Variants in CHCHD6 observed in about 807,000 individuals in gnomAD.
CHCHD6 encodes the protein MICOS complex subunit MIC25.
In CHCHD6, 28 loss-of-function variants were observed where a neutral mutation model predicts 32.3. The observed-to-expected ratio is 0.87, with a 90% CI of 0.64 to 1.19. The LOEUF (loss-of-function observed/expected upper bound fraction) is 1.19. CHCHD6 is among the 50% of genes most tolerant of loss of function. The pLI, the probability that CHCHD6 is intolerant of heterozygous loss-of-function variation, is 0.00. For missense variants in CHCHD6, 333 were observed against 307.0 expected, an observed-to-expected ratio of 1.08 and a Z score of -0.63; for synonymous variants, 122 against 117.5, an observed-to-expected ratio of 1.04 and a Z score of -0.25.
intron 4 of CHCHD6, among the ~76,000 whole-genome samples, chr3:126,836,185 C>T (rs1175655278): frequency 3.9e-5 from 6 of 152,356 alleles, no homozygotes; most frequent in African/African-American, 1.4e-4. Flanking sequence ...CGCCGTTAGG[C>T]CCCAGCCTGT....
chr3:126,808,336 T>G (rs1023730090), intron 4 of CHCHD6, among the ~76,000 whole-genome samples: 4 of 152,098 alleles, frequency 2.6e-5, no homozygotes, highest in Non-Finnish European at 4.4e-5. Context: ...GCCATATTCT[T>G]TTGCCATATT....
At chr3:126,716,583 C>G (rs1935027702) in intron 1 of CHCHD6, among the ~76,000 whole-genome samples, 1 of 151,992 alleles carries the variant, frequency 6.6e-6, no homozygotes, top group South Asian at 2.1e-4. Flanking sequence ...ATGTTATGGA[C>G]CCAGGCCTCT....
At position 126,730,615 on chromosome 3, in the gene CHCHD6, A is replaced by AGG; in HGVS notation, c.252_253dup (p.Glu85GlyfsTer65). ...GGTGGCCAGCAGCCCTCAGGGATGA[A>AGG]GGAGGGTGTCAAGAGGTGAGCCCGA... On this transcript the variant is annotated frameshift_variant, in exon 3 of 8. Coordinates refer to ENST00000290913, the MANE Select transcript of CHCHD6 (RefSeq NM_032343.3). LOFTEE classifies it high-confidence loss of function. The AGG allele has an allele frequency of 1.2e-6, 2 of 1,613,762 alleles. No individual in the cohort carries two copies. The highest frequency in any genetic ancestry group is 1.7e-6 in the Non-Finnish European group (2 of 1,179,814).
At chr3:126,716,792 A>T (rs1486191701) in intron 1 of CHCHD6, among the ~76,000 whole-genome samples, 2 of 135,672 alleles carry the variant, frequency 1.5e-5, no homozygotes, top group East Asian at 4.2e-4. Context: ...GAGTAAGGGG[A>T]GGGACGGTGC....
intron 4 of CHCHD6, among the ~76,000 whole-genome samples, chr3:126,790,377 T>C (rs1938465323): frequency 6.6e-6 from 1 of 152,230 alleles, no homozygotes; most frequent in Non-Finnish European, 1.5e-5. Flanking sequence ...CCTGCCTTGC[T>C]AGGTTGGGGA....
chr3:126,914,705 C>A lies in CHCHD6; in HGVS notation c.521C>A (p.Ser174Ter), dbSNP rs756633225. 9 of 1,596,280 alleles carry A rather than the reference C, an allele frequency of 5.6e-6. No homozygotes were observed. In the South Asian group the frequency reaches 9.9e-5, roughly 18 times the overall value. ...AATGCTGAGATGTATAAACTGTCTT[C>A]AGAGCAATTCCATGAGGCAGCCTCA... is the stretch of plus-strand genomic sequence containing the variant. ...RKNAEMYKLS[S>*]EQFHEAASKM... The change falls in exon 6 of 8, where the codon TCA (serine) becomes TAA (stop). Residue 174 changes from serine (S) to a stop codon, truncating the protein, a stop_gained. Transcript: ENST00000290913. LOFTEE classifies it high-confidence loss of function.
At chr3:126,853,665 G>A (rs182131953) in intron 5 of CHCHD6, among the ~76,000 whole-genome samples, 34 of 152,260 alleles carry the variant, frequency 2.2e-4, no homozygotes, top group Admixed American at 9.2e-4. Context: ...CACCTTTGCC[G>A]GTGTTTAGGG....
rs1452480499 is a variant in CHCHD6, at chr3:126,960,326, G to A, written c.*125G>A. On this transcript the variant is annotated 3_prime_UTR_variant, in exon 8 of 8. Coordinates refer to ENST00000290913, the MANE Select transcript of CHCHD6 (RefSeq NM_032343.3). ...CCCCTGCATATGCCCCTGAGCCTGG[G>A]GCTGCCACGTGTTTAGGAAACAAAG... 6 of 1,122,604 alleles carry A rather than the reference G, an allele frequency of 5.3e-6. No homozygotes were observed. In the East Asian group the frequency reaches 1.0e-4, roughly 19 times the overall value. The allele number at this position is 1,122,604 out of a possible 1,614,324, so 69.5% of individuals were successfully genotyped here.
intron 5 of CHCHD6, among the ~76,000 whole-genome samples, chr3:126,888,834 A>C (rs2077713990): frequency 1.3e-5 from 2 of 152,134 alleles, no homozygotes; most frequent in African/African-American, 2.4e-5. Flanking sequence ...GAGAGTGAGG[A>C]GCTGACCATG....
chr3:126,818,182 T>G (rs1056155405), intron 4 of CHCHD6, among the ~76,000 whole-genome samples: 1 of 152,218 alleles, frequency 6.6e-6, no homozygotes, highest in South Asian at 2.1e-4. Context: ...CCTCTTAATG[T>G]TTATGCATTT....
intron 4 of CHCHD6, among the ~76,000 whole-genome samples, chr3:126,830,451 T>A (rs1401463707): frequency 1.3e-5 from 2 of 152,234 alleles, no homozygotes; most frequent in Non-Finnish European, 2.9e-5. Flanking sequence ...CCACAGTCCA[T>A]CTTCCTCCTG....
rs550809753 is a variant in CHCHD6 at position 126,712,113 on chromosome 3, A to G, written c.87+7714A>G. Among the ~76,000 whole-genome samples the G allele has an allele frequency of 9.9e-5, 15 of 152,276 alleles. No individual in the cohort carries two copies. The East Asian group carries it at 2.9e-3, about 29-fold the overall frequency. ...AAAGACAGGATGGTTGAAGGCCCAG[A>G]CACCTGCATGTAGATTTCCCGCTGG... is the stretch of plus-strand genomic sequence containing the variant. On this transcript the variant is annotated intron_variant, in intron 1 of 7. Transcript: ENST00000290913.
intron 5 of CHCHD6, among the ~76,000 whole-genome samples, chr3:126,864,751 T>A (rs1942184949): frequency 7.4e-6 from 1 of 134,816 alleles, no homozygotes; most frequent in South Asian, 2.6e-4. Context: ...CACCATCATC[T>A]ACTCCTCCTC....
chr3:126,789,864 A>G (rs1938433056), intron 4 of CHCHD6, among the ~76,000 whole-genome samples: 1 of 150,912 alleles, frequency 6.6e-6, no homozygotes, highest in Non-Finnish European at 1.5e-5. Context: ...CGATCCTGTC[A>G]TTATGATGTT....
At chr3:126,933,521 G>A (rs978615963) in intron 6 of CHCHD6, among the ~76,000 whole-genome samples, 1 of 152,204 alleles carries the variant, frequency 6.6e-6, no homozygotes, top group African/African-American at 2.4e-5. Context: ...GCCTCAGGAA[G>A]CTTACAATTA....
chr3:126,804,908 A>C (rs1207761793), intron 4 of CHCHD6, among the ~76,000 whole-genome samples: 13 of 152,168 alleles, frequency 8.5e-5, no homozygotes, highest in Non-Finnish European at 1.3e-4. Flanking sequence ...ACGCAAATCA[A>C]TAAATGTAAT....
chr3:126,756,761 G>C (rs1283321001), intron 4 of CHCHD6, among the ~76,000 whole-genome samples: 1 of 152,136 alleles, frequency 6.6e-6, no homozygotes, highest in Non-Finnish European at 1.5e-5. Flanking sequence ...CAGGCATTGG[G>C]GATACAGCAG....
At chr3:126,779,638 C>T (rs961179647) in intron 4 of CHCHD6, among the ~76,000 whole-genome samples, 4 of 151,516 alleles carry the variant, frequency 2.6e-5, no homozygotes, top group African/African-American at 9.7e-5. Context: ...AGACAGAGGT[C>T]TAAATCCATT....
chr3:126,955,096 G>C (rs1032932111), intron 6 of CHCHD6, among the ~76,000 whole-genome samples: 3 of 152,218 alleles, frequency 2.0e-5, no homozygotes, highest in African/African-American at 4.8e-5. Context: ...TGCCTGAGAC[G>C]AAATGCCATG....
Sources: allele counts gnomAD v4.1 joint callset (sites outside exome capture counted in the v4.1 genomes callset), GRCh38; gene constraint gnomAD v4.1.1; transcripts MANE v1.5; gene names NCBI Gene and HGNC (gene_info 2026-07-23, HGNC 2026-07-21).